The following ANO3 variants were observed in gnomAD, a reference collection of about 807,000 sequenced individuals.
The protein encoded by ANO3 is anoctamin 3.
Under a neutral mutation model 144.8 loss-of-function variants are expected in ANO3, and 99 were observed. The observed-to-expected ratio is 0.68, with a 90% CI of 0.58 to 0.81. The LOEUF (loss-of-function observed/expected upper bound fraction) is 0.81, where lower values mean the gene tolerates loss of function less well. ANO3 is among the 30% of genes least tolerant of loss of function. The pLI is 0.00. For synonymous variants in ANO3, 414 were observed against 392.6 expected (o/e 1.05, Z -0.64); for missense variants, 905 against 1,202.2 (o/e 0.75, Z 3.66).
Position 26,508,274 on chromosome 11 carries a change from A to G in ANO3, c.591+12A>G. 1.3e-6 allele frequency: 2 copies of G among 1,576,410 alleles called. No homozygotes were observed. Among genetic ancestry groups the G allele is most frequent in the Non-Finnish European group, 1.7e-6 (2 of 1,169,390 alleles). On this transcript the variant is annotated intron_variant, in intron 5 of 26. Coordinates refer to ENST00000256737, the MANE Select transcript of ANO3 (RefSeq NM_031418.4). ...TGTTGGAGAAGGAGGTAGGTGCTTT[A>G]CTATTATTAGTTATGTGATAAAATG...
upstream of ANO3, chr11:26,332,033 G>C: frequency 8.1e-7 from 1 of 1,238,656 alleles, no homozygotes; most frequent in African/African-American, 1.5e-5. Context: ...ACGCGCGGGG[G>C]ATGCGGGGTT....
intron 6 of ANO3, among the ~76,000 whole-genome samples, chr11:26,519,562 C>T (rs1308254568): frequency 6.6e-6 from 1 of 152,136 alleles, no homozygotes; most frequent in Non-Finnish European, 1.5e-5. Context: ...AGTCTGAGAT[C>T]AAAGTGGCAG....
Position 26,480,167 on chromosome 11 carries a change from T to C in ANO3, c.432+17019T>C, listed in dbSNP as rs143560088. On this transcript the variant is annotated intron_variant, in intron 4 of 26. Coordinates refer to ENST00000256737, the MANE Select transcript of ANO3 (RefSeq NM_031418.4). The stretch of plus-strand genomic sequence containing the variant: ...TCATGCAGAAACTTCTAATGCCTCA[T>C]ACCCACAAATACAAACTTCCGTGAT... Among the ~76,000 whole-genome samples the C allele has an allele frequency of 2.5e-3, 382 of 152,302 alleles. 2 individuals are homozygous for C. The highest frequency in any genetic ancestry group is 0.02 in the Middle Eastern group (6 of 294).
At chr11:26,317,643 C>T (rs1206599435) in intron 1 of ANO3, among the ~76,000 whole-genome samples, 1 of 152,170 alleles carries the variant, frequency 6.6e-6, no homozygotes, top group East Asian at 1.9e-4. Context: ...AATAGGAACG[C>T]TTTTACACTG....
At chr11:26,333,454 T>C (rs1855111996) in intron 1 of ANO3, among the ~76,000 whole-genome samples, 1 of 152,006 alleles carries the variant, frequency 6.6e-6, no homozygotes, top group South Asian at 2.1e-4. Context: ...GCTAATTTTT[T>C]TGTGTTTTTA....
intron 1 of ANO3, among the ~76,000 whole-genome samples, chr11:26,194,749 A>G (rs1476479544): frequency 1.3e-5 from 2 of 152,056 alleles, no homozygotes; most frequent in Non-Finnish European, 2.9e-5. Context: ...TATTTTTAGT[A>G]GAGATGGGAT....
chr11:26,504,158 C>G (rs1171739944), intron 4 of ANO3, among the ~76,000 whole-genome samples: 1 of 152,224 alleles, frequency 6.6e-6, no homozygotes, highest in East Asian at 1.9e-4. Flanking sequence ...AAAAAGCAAG[C>G]CAAATTGTAA....
chr11:26,659,727 G>GT (rs1424451712), intron 26 of ANO3, among the ~76,000 whole-genome samples: 1 of 151,886 alleles, frequency 6.6e-6, no homozygotes, highest in Non-Finnish European at 1.5e-5. Flanking sequence ...AAAGTAATAT[G>GT]TTTTTTATCA....
intron 18 of ANO3, among the ~76,000 whole-genome samples, chr11:26,626,150 G>T (rs907220689): frequency 2.6e-5 from 4 of 152,070 alleles, no homozygotes; most frequent in African/African-American, 9.7e-5. Flanking sequence ...GAATAATTTT[G>T]AATCTTTTCT....
At chr11:26,518,807 T>C (rs1861956795) in intron 6 of ANO3, among the ~76,000 whole-genome samples, 1 of 151,968 alleles carries the variant, frequency 6.6e-6, no homozygotes, top group African/African-American at 2.4e-5. Flanking sequence ...TCATACAAGG[T>C]GATTTCATCA....
chr11:26,214,467 T>A (rs1013036335), intron 1 of ANO3, among the ~76,000 whole-genome samples: 1 of 151,964 alleles, frequency 6.6e-6, no homozygotes, highest in East Asian at 1.9e-4. Context: ...ATCGCATCAC[T>A]ATTAATCAAC....
At chr11:26,649,972 T>A (rs937784971) in intron 24 of ANO3, among the ~76,000 whole-genome samples, 3 of 152,190 alleles carry the variant, frequency 2.0e-5, no homozygotes, top group Middle Eastern at 3.2e-3. Context: ...CACTGCCACC[T>A]AGTGGCAGGT....
At chr11:26,279,932 G>T (rs1853642140) in intron 1 of ANO3, among the ~76,000 whole-genome samples, 1 of 152,106 alleles carries the variant, frequency 6.6e-6, no homozygotes, top group African/African-American at 2.4e-5. Context: ...ACTCTCCCTG[G>T]ATTAGTGTAA....
At chr11:26,297,436 T>G (rs1412129355) in intron 1 of ANO3, among the ~76,000 whole-genome samples, 6 of 152,214 alleles carry the variant, frequency 3.9e-5, no homozygotes, top group Admixed American at 3.9e-4. Context: ...CTTGTAATTA[T>G]GCGGAACACA....
intron 4 of ANO3, among the ~76,000 whole-genome samples, chr11:26,485,762 C>G (rs1307984648): frequency 6.6e-6 from 1 of 151,922 alleles, no homozygotes; most frequent in Admixed American, 6.6e-5. Flanking sequence ...AGAAAAAAAC[C>G]TAGGGAAAAA....
chr11:26,288,526 G>A (rs1468465478), intron 1 of ANO3, among the ~76,000 whole-genome samples: 1 of 152,134 alleles, frequency 6.6e-6, no homozygotes, highest in East Asian at 1.9e-4. Context: ...TCCCAGAAGA[G>A]CTTTCCATTT....
At position 26,656,067 on chromosome 11, in the gene ANO3, T is replaced by A. The variant is rs569501681; in HGVS notation, c.2577-58T>A. 6.9e-5 allele frequency: 91 copies of A among 1,324,816 alleles called. No individual in the cohort carries two copies. In the Admixed American group the frequency reaches 1.3e-3, roughly 19 times the overall value. 82.1% of individuals were successfully genotyped at this position (1,324,816 alleles called of 1,614,324 possible). On this transcript the variant is annotated intron_variant, in intron 24 of 26. Transcript: ENST00000256737. ...TAAAATCCTGGCATTTGTAATAAAA[T>A]AATTAGGCTAGAAACGTATGAATCT...
chr11:26,566,911 G>T (rs1850611182), intron 14 of ANO3: 14 of 641,100 alleles, frequency 2.2e-5, no homozygotes, highest in Admixed American at 4.2e-5. Context: ...GGCTGACTTA[G>T]GTAGCAGCAC....
intron 2 of ANO3, among the ~76,000 whole-genome samples, chr11:26,442,834 T>C (rs1375003708): frequency 6.6e-6 from 1 of 152,180 alleles, no homozygotes. Flanking sequence ...TGGGACGATG[T>C]CGGCTCACTG....
Sources: gnomAD v4.1 joint callset for allele counts (sites outside exome capture counted in the v4.1 genomes callset) on GRCh38, gnomAD v4.1.1 for gene constraint, MANE v1.5 for transcripts, NCBI Gene and HGNC (gene_info 2026-07-23, HGNC 2026-07-21) for gene names.